The following REV3L variants were observed in gnomAD, a reference collection of about 807,000 sequenced individuals.
REV3L encodes the protein DNA polymerase zeta catalytic subunit.
REV3L carries 69 observed loss-of-function variants against 299.4 expected under a neutral mutation model. That is an observed-to-expected ratio of 0.23 (90% CI 0.19 to 0.28). The LOEUF (loss-of-function observed/expected upper bound fraction) is 0.28. Among genes scored for constraint, REV3L ranks in the 10% least tolerant of loss-of-function variants. REV3L has a pLI of 1.00. For missense variants in REV3L, 3,128 were observed against 3,693.8 expected (o/e 0.85, Z 3.97); for synonymous variants, 1,238 against 1,271.4 (o/e 0.97, Z 0.56).
At chr6:111,451,935 C>T (rs1789595030) in intron 1 of REV3L, among the ~76,000 whole-genome samples, 1 of 151,110 alleles carries the variant, frequency 6.6e-6, no homozygotes, top group African/African-American at 2.4e-5. Flanking sequence ...GAATGCAAGC[C>T]ATAGATTGGG....
chr6:111,321,630 T>A (rs915851508), intron 26 of REV3L, among the ~76,000 whole-genome samples: 2 of 152,198 alleles, frequency 1.3e-5, no homozygotes, highest in Admixed American at 6.5e-5. Context: ...AGCTGCTCTA[T>A]AAGGCAAGGT....
At chr6:111,333,881 C>T (rs1410005135) in intron 22 of REV3L, among the ~76,000 whole-genome samples, 2 of 152,184 alleles carry the variant, frequency 1.3e-5, no homozygotes, top group Non-Finnish European at 2.9e-5. Flanking sequence ...TGTCAAATAA[C>T]TTAAAAGATA....
intron 2 of REV3L, among the ~76,000 whole-genome samples, chr6:111,414,110 A>G (rs1784528860): frequency 6.6e-6 from 1 of 152,134 alleles, no homozygotes; most frequent in Admixed American, 6.6e-5. Flanking sequence ...TTAAGTAAAT[A>G]AATAAAAATT....
At chr6:111,357,891 A>T (rs889104163) in intron 17 of REV3L, among the ~76,000 whole-genome samples, 3 of 151,998 alleles carry the variant, frequency 2.0e-5, no homozygotes, top group Admixed American at 2.0e-4. Context: ...TGATGTAAGG[A>T]CCCCTCCCCC....
intron 31 of REV3L, among the ~76,000 whole-genome samples, chr6:111,301,049 G>A (rs1771457045): frequency 6.6e-6 from 1 of 152,142 alleles, no homozygotes; most frequent in Non-Finnish European, 1.5e-5. Flanking sequence ...ATAACCCCGG[G>A]AAAACGAATG....
At chr6:111,336,236 A>C (rs1775883930) in intron 21 of REV3L, among the ~76,000 whole-genome samples, 1 of 152,054 alleles carries the variant, frequency 6.6e-6, no homozygotes, top group Non-Finnish European at 1.5e-5. Context: ...TTAAGAAAAC[A>C]AACAATAAAA....
At chr6:111,470,121 AAT>A (rs1791999476) in intron 1 of REV3L, among the ~76,000 whole-genome samples, 1 of 152,046 alleles carries the variant, frequency 6.6e-6, no homozygotes. Context: ...AGGAGACATT[AAT>A]ATTGCTTCAG....
At chr6:111,339,052 TGTAAG>T (rs1776226256) in intron 21 of REV3L, among the ~76,000 whole-genome samples, 2 of 151,998 alleles carry the variant, frequency 1.3e-5, no homozygotes, top group African/African-American at 2.4e-5. Flanking sequence ...GTGAAACTGT[TGTAAG>T]GTGTTAGGCA....
chr6:111,468,106 T>C (rs1791727321), intron 1 of REV3L, among the ~76,000 whole-genome samples: 2 of 152,150 alleles, frequency 1.3e-5, no homozygotes, highest in African/African-American at 4.8e-5. Context: ...AAACCAAACC[T>C]AGAAGAGGAA....
intron 1 of REV3L, among the ~76,000 whole-genome samples, chr6:111,419,158 C>T (rs1292710250): frequency 2.0e-5 from 3 of 152,198 alleles, no homozygotes; most frequent in South Asian, 2.1e-4. Flanking sequence ...CTCTCCAGTG[C>T]TCCTGCAGCT....
intron 19 of REV3L, among the ~76,000 whole-genome samples, chr6:111,350,736 C>A (rs1362377023): frequency 6.7e-6 from 1 of 149,468 alleles, no homozygotes; most frequent in Non-Finnish European, 1.5e-5. Context: ...GCTATCACAC[C>A]TGGCTAATTT....
chr6:111,366,751 T>C (rs1439005822), intron 14 of REV3L, among the ~76,000 whole-genome samples: 2 of 152,094 alleles, frequency 1.3e-5, no homozygotes, highest in Non-Finnish European at 2.9e-5. Context: ...AAATTTGGCT[T>C]TGAAGGGGAG....
At chr6:111,340,718 T>G (rs1169870434) in intron 21 of REV3L, among the ~76,000 whole-genome samples, 2 of 152,178 alleles carry the variant, frequency 1.3e-5, no homozygotes, top group African/African-American at 2.4e-5. Context: ...TGTACTCATT[T>G]AAATTTAAGT....
chr6:111,473,302 C>T (rs1225967266), intron 1 of REV3L, among the ~76,000 whole-genome samples: 3 of 151,560 alleles, frequency 2.0e-5, no homozygotes, highest in African/African-American at 4.9e-5. Context: ...CTCAGGCAAT[C>T]TTCCTGCCTC....
intron 29 of REV3L, chr6:111,310,685 G>C (rs557552145): frequency 1.8e-5 from 3 of 166,074 alleles, no homozygotes; most frequent in South Asian, 2.0e-4. Context: ...CTAAGAATGA[G>C]AACTAACTAT....
intron 1 of REV3L, among the ~76,000 whole-genome samples, chr6:111,448,503 T>A (rs1789125429): frequency 6.6e-6 from 1 of 151,996 alleles, no homozygotes; most frequent in Non-Finnish European, 1.5e-5. Context: ...CCCAGCTAAT[T>A]TTTGTAGTTT....
intron 16 of REV3L, among the ~76,000 whole-genome samples, chr6:111,359,926 CAGG>C (rs1353786972): frequency 6.6e-6 from 1 of 152,094 alleles, no homozygotes; most frequent in East Asian, 1.9e-4. Context: ...TCACTAGTGA[CAGG>C]AGTAGAATTT....
In REV3L at chr6:111,376,751, G is replaced by A. The variant is rs1472736336; in HGVS notation, c.1604C>T (p.Pro535Leu). 6.4e-7 allele frequency: 1 copy of A among 1,567,026 alleles called. No homozygotes were observed. Among genetic ancestry groups the A allele is most frequent in the Non-Finnish European group, 8.6e-7 (1 of 1,166,644 alleles). ...DGTADENSDN[P>L]LNNENSRTHS... ...GGTTCTAGAATTTTCATTGTTCAAT[G>A]GATTGTCTGAAATGAGGAGGGAAAA... The change falls in exon 13 of 32, where the codon CCA becomes CTA. Residue 535 changes from proline to leucine, a missense_variant. Transcript: ENST00000368802.
At chr6:111,426,502 A>G (rs1201655281) in intron 1 of REV3L, among the ~76,000 whole-genome samples, 1 of 152,178 alleles carries the variant, frequency 6.6e-6, no homozygotes, top group East Asian at 1.9e-4. Flanking sequence ...GAAAAATCAG[A>G]CTTTGGTGAT....
Sources: gnomAD v4.1 joint callset for allele counts (sites outside exome capture counted in the v4.1 genomes callset) on GRCh38, gnomAD v4.1.1 for gene constraint, MANE v1.5 for transcripts, NCBI Gene and HGNC (gene_info 2026-07-23, HGNC 2026-07-21) for gene names.